Variants in TGDS observed in about 807,000 individuals in gnomAD.
TGDS encodes the protein TDP-glucose 4,6-dehydratase.
TGDS carries 47 observed loss-of-function variants against 52.3 expected under a neutral mutation model. The ratio of observed to expected loss-of-function variants is 0.90; its 90% CI spans 0.71 to 1.15. TGDS has a LOEUF of 1.15. Among genes scored for constraint, TGDS ranks in the 50% most tolerant of loss-of-function variants. The pLI, the probability that TGDS is intolerant of heterozygous loss-of-function variation, is 0.00. For synonymous variants in TGDS, 115 were observed against 136.9 expected (o/e 0.84, Z 1.12); for missense variants, 375 against 418.4 (o/e 0.90, Z 0.90).
At chr13:94,593,164 A>C (rs1208331325) in intron 2 of TGDS, among the ~76,000 whole-genome samples, 1 of 152,170 alleles carries the variant, frequency 6.6e-6, no homozygotes, top group Non-Finnish European at 1.5e-5. Flanking sequence ...AAGAAAAAAA[A>C]AAATGTTCAT....
chr13:94,593,845 T>G lies in TGDS; in HGVS notation c.149A>C (p.Asp50Ala). 6.4e-7 allele frequency: 1 copy of G among 1,564,746 alleles called. No individual in the cohort carries two copies. The highest frequency in any genetic ancestry group is 2.3e-5 in the East Asian group (1 of 44,222). ...GCTCATTTTTATAAAACTCACCTTG[T>G]CTAGATTTATGATCATATAGTTTGG... ...DYPNYMIINL[D>A]KLDYCASLKN... The change falls in exon 2 of 12, where the codon GAC becomes GCC. Residue 50 changes from aspartate (D) to alanine (A), a missense_variant. By Grantham distance (126) the Asp-to-Ala change is moderately radical (BLOSUM62 -2). Coordinates refer to ENST00000261296, the MANE Select transcript of TGDS (RefSeq NM_014305.4).
rs779421502 is a variant in TGDS at position 94,593,923 on chromosome 13, A to T, written c.87-16T>A. The T allele has an allele frequency of 1.3e-6, 2 of 1,507,692 alleles. No homozygotes were observed. 93.4% of individuals were successfully genotyped at this position (1,507,692 alleles called of 1,614,324 possible). Reference sequence around the variant, plus strand: ...ATGTGATGCACTATGGAAAAAAAGTATATCTTGTTAGTGAAAAACTTTAAC... The same window carrying T: ...ATGTGATGCACTATGGAAAAAAAGTTTATCTTGTTAGTGAAAAACTTTAAC... On this transcript the variant is annotated splice_polypyrimidine_tract_variant and intron_variant, in intron 1 of 11. Coordinates refer to ENST00000261296, the MANE Select transcript of TGDS (RefSeq NM_014305.4).
At chr13:94,582,799 T>C (rs1888842621) in intron 5 of TGDS, among the ~76,000 whole-genome samples, 1 of 152,228 alleles carries the variant, frequency 6.6e-6, no homozygotes, top group South Asian at 2.1e-4. Flanking sequence ...GGATGCTTCC[T>C]GCCCTCGAAC....
chr13:94,592,461 CTT>C (rs368804718), intron 2 of TGDS, 152 bp from the exon 3 acceptor site: 1 of 597,382 alleles, frequency 1.7e-6, no homozygotes, highest in Non-Finnish European at 2.8e-6. Flanking sequence ...CTTTACACTA[CTT>C]TTTTTTTGAG....
intron 3 of TGDS, among the ~76,000 whole-genome samples, chr13:94,591,540 C>G (rs1235183560): frequency 2.6e-5 from 4 of 152,194 alleles, no homozygotes; most frequent in African/African-American, 9.7e-5. Context: ...TCGCAGTGAG[C>G]TGAGATCACG....
intron 7 of TGDS, chr13:94,579,346 G>C (rs1036191754): frequency 2.6e-5 from 4 of 152,414 alleles, no homozygotes; most frequent in African/African-American, 9.6e-5. Flanking sequence ...AGAGCCAATT[G>C]CACAGGCATT....
intron 4 of TGDS, among the ~76,000 whole-genome samples, chr13:94,586,156 G>C (rs1888973630): frequency 6.6e-6 from 1 of 152,158 alleles, no homozygotes; most frequent in African/African-American, 2.4e-5. Flanking sequence ...CGTACAGTAA[G>C]ATGGTAGAAA....
At chr13:94,575,266 G>C (rs1888558120) in intron 11 of TGDS, among the ~76,000 whole-genome samples, 1 of 146,090 alleles carries the variant, frequency 6.8e-6, no homozygotes, top group Non-Finnish European at 1.5e-5. Context: ...GGCACAATGA[G>C]TTGATGTGAA....
chr13:94,593,726 G>T, intron 2 of TGDS, 115 bp downstream of exon 2: 1 of 792,048 alleles, frequency 1.3e-6, no homozygotes, highest in Non-Finnish European at 2.1e-6. Flanking sequence ...CCTCTGAATT[G>T]CTAAAATGAC....
intron 3 of TGDS, among the ~76,000 whole-genome samples, chr13:94,591,572 G>A (rs1054324431): frequency 7.2e-5 from 11 of 152,200 alleles, no homozygotes; most frequent in African/African-American, 2.4e-4. Flanking sequence ...CAGCCTGGGT[G>A]ACAGAGCAGA....
chr13:94,580,274 C>T (rs185048704), intron 6 of TGDS, among the ~76,000 whole-genome samples: 11 of 152,256 alleles, frequency 7.2e-5, no homozygotes, highest in African/African-American at 1.7e-4. Flanking sequence ...TAAAGACCAC[C>T]TCAAGGACTC....
chr13:94,586,061 T>C (rs1888970138), intron 4 of TGDS, among the ~76,000 whole-genome samples: 1 of 151,890 alleles, frequency 6.6e-6, no homozygotes, highest in Non-Finnish European at 1.5e-5. Context: ...TTTTTTAAAA[T>C]AAACAATTTT....
rs771196544 is a variant in TGDS, at chr13:94,579,972, A to C, written c.556-19T>G. On this transcript the variant is annotated intron_variant, in intron 6 of 11. Transcript: ENST00000261296. ...CTGGAAACTTAAAAGAATATCCAAC[A>C]TTAAGGCTTTTAAAAAGGTCTAATA... 6 of 1,536,038 alleles carry C rather than the reference A, an allele frequency of 3.9e-6. No homozygotes were observed. Among genetic ancestry groups the C allele is most frequent in the Non-Finnish European group, 5.4e-6 (6 of 1,118,868 alleles).
In TGDS at chr13:94,590,395, G is replaced by A. The variant is rs190200079; in HGVS notation, c.313+458C>T. ...AGGATTCAGCAACATTCTGTCTTTT[G>A]TTCAGGTGACAGATACATGGGTACT... is the stretch of plus-strand genomic sequence containing the variant. On this transcript the variant is annotated intron_variant, in intron 4 of 11. Transcript: ENST00000261296. Among the ~76,000 whole-genome samples the A allele has an allele frequency of 2.0e-5, 3 of 151,902 alleles. No individual in the cohort carries two copies. In the East Asian group the frequency reaches 5.8e-4, roughly 29 times the overall value.
At chr13:94,583,046 A>C in intron 5 of TGDS, 48 bp downstream of exon 5, 1 of 1,590,098 alleles carries the variant, frequency 6.3e-7, no homozygotes, top group Admixed American at 1.8e-5. Flanking sequence ...ATAAAACTGT[A>C]TCATGGTACA....
In TGDS at chr13:94,583,221, C is replaced by T. The variant is rs202068418; in HGVS notation, c.329G>A (p.Arg110His). The change falls in exon 5 of 12, where the codon CGT becomes CAT. Residue 110 changes from arginine to histidine, a missense_variant. Physicochemically the swap from Arg to His is conservative, Grantham distance 29 (BLOSUM62 0). Coordinates refer to ENST00000261296, the MANE Select transcript of TGDS (RefSeq NM_014305.4). ...ATTAACATAGGTAAACTCAAAGGCA[C>T]GTACGAATGAAAGATCTAAAAGAAA... Reference protein sequence around the residue: ...AQTHVDLSFVRAFEFTYVNVY... With the variant: ...AQTHVDLSFVHAFEFTYVNVY... The T allele has an allele frequency of 6.0e-5, 97 of 1,611,912 alleles. No homozygotes were observed. Among genetic ancestry groups the T allele is most frequent in the Middle Eastern group, 1.6e-4 (1 of 6,070 alleles).
chr13:94,595,133 GAATA>G (rs538328267), intron 1 of TGDS, among the ~76,000 whole-genome samples: 92 of 152,238 alleles, frequency 6.0e-4, no homozygotes, highest in African/African-American at 2.2e-3. Flanking sequence ...GGTGCTATCT[GAATA>G]AAAACCAGAA....
At chr13:94,582,950 G>GT (rs1456967393) in intron 5 of TGDS, 144 bp downstream of exon 5, 3 of 716,204 alleles carry the variant, frequency 4.2e-6, no homozygotes, top group Non-Finnish European at 6.6e-6. Context: ...TCTATTAGTT[G>GT]TGTCCCTCTA....
At chr13:94,588,818 TCAGA>T (rs1889092464) in intron 4 of TGDS, among the ~76,000 whole-genome samples, 1 of 152,108 alleles carries the variant, frequency 6.6e-6, no homozygotes, top group Non-Finnish European at 1.5e-5. Flanking sequence ...TAGTGCGTAA[TCAGA>T]CAGGCAGAGA....
Sources: gnomAD v4.1 joint callset for allele counts (sites outside exome capture counted in the v4.1 genomes callset) on GRCh38, gnomAD v4.1.1 for gene constraint, MANE v1.5 for transcripts, NCBI Gene and HGNC (gene_info 2026-07-23, HGNC 2026-07-21) for gene names.